Variants in SUDS3 observed in about 807,000 individuals in gnomAD.
SUDS3 encodes SIN3A corepressor complex component SDS3.
SUDS3 carries 23 observed loss-of-function variants against 53.5 expected under a neutral mutation model. That is an observed-to-expected ratio of 0.43 (90% CI 0.31 to 0.61). The LOEUF (loss-of-function observed/expected upper bound fraction) is 0.61. Among genes scored for constraint, SUDS3 ranks in the 20% least tolerant of loss-of-function variants. The pLI, the probability that SUDS3 is intolerant of heterozygous loss-of-function variation, is 0.10. For synonymous variants in SUDS3, 150 were observed against 148.5 expected, an observed-to-expected ratio of 1.01 and a Z score of -0.08; for missense variants, 291 against 405.9, an observed-to-expected ratio of 0.72 and a Z score of 2.43.
At chr12:118,410,034 C>A (rs886793311) in intron 10 of SUDS3, among the ~76,000 whole-genome samples, 1 of 152,248 alleles carries the variant, frequency 6.6e-6, no homozygotes, top group African/African-American at 2.4e-5. Context: ...AAATTAGATA[C>A]CCTTTGGTAT....
chr12:118,406,293 C>T (rs537663589), intron 10 of SUDS3, among the ~76,000 whole-genome samples: 2 of 152,228 alleles, frequency 1.3e-5, no homozygotes, highest in South Asian at 2.1e-4. Context: ...CTTCAGCCTT[C>T]GGTCGACACA....
At chr12:118,379,511 G>A (rs1029691971) in intron 1 of SUDS3, among the ~76,000 whole-genome samples, 16 of 152,206 alleles carry the variant, frequency 1.1e-4, no homozygotes, top group African/African-American at 3.9e-4. Context: ...AGAGACTTGA[G>A]CAGCTGAGGA....
intron 3 of SUDS3, among the ~76,000 whole-genome samples, chr12:118,384,379 C>T (rs2046095044): frequency 6.6e-6 from 1 of 152,152 alleles, no homozygotes; most frequent in South Asian, 2.1e-4. Flanking sequence ...ACATTGTTAT[C>T]AAAGAATAAA....
In SUDS3 at chr12:118,401,756, C is replaced by T. The variant is rs752284503; in HGVS notation, c.614-3C>T. 4.3e-6 allele frequency: 7 copies of T among 1,613,176 alleles called. No individual in the cohort carries two copies. The highest frequency in any genetic ancestry group is 5.9e-6 in the Non-Finnish European group (7 of 1,179,282). On this transcript the variant is annotated splice_region_variant and splice_polypyrimidine_tract_variant and intron_variant, in intron 7 of 11. Coordinates refer to ENST00000543473, the MANE Select transcript of SUDS3 (RefSeq NM_022491.3). ...TCACATACAGTCCTTTAACTCTCAACACCCCAGCTAAACTATTTGTTAACA... is the reference window on the plus strand; with the variant it reads ...TCACATACAGTCCTTTAACTCTCAATACCCCAGCTAAACTATTTGTTAACA...
Position 118,415,985 on chromosome 12 carries a change from G to A in SUDS3, c.*1552G>A, listed in dbSNP as rs1430333160. The A allele has an allele frequency of 1.4e-5, 2 of 144,842 alleles. No individual in the cohort carries two copies. The highest frequency in any genetic ancestry group is 3.0e-5 in the Non-Finnish European group (2 of 66,678). The allele number at this position is 144,842 out of a possible 1,614,324, so 9.0% of individuals were successfully genotyped here. A position where few individuals can be genotyped will look rare whatever the true frequency, so the allele number is the denominator to read the frequency against. ...TTTAGAAAACAGGATAAATGACGCT[G>A]TTATCAAAAGTTGCCTGGGGTTCTG... On this transcript the variant is annotated 3_prime_UTR_variant, in exon 12 of 12. Transcript: ENST00000543473.
At chr12:118,408,690 G>GT (rs1566210104) in intron 10 of SUDS3, among the ~76,000 whole-genome samples, 16 of 150,740 alleles carry the variant, frequency 1.1e-4, no homozygotes, top group African/African-American at 3.7e-4. Flanking sequence ...AGTTTTTTTT[G>GT]GTTTTTTTTT....
At chr12:118,396,132 C>T (rs2046213214) in intron 6 of SUDS3, among the ~76,000 whole-genome samples, 1 of 152,216 alleles carries the variant, frequency 6.6e-6, no homozygotes, top group Non-Finnish European at 1.5e-5. Context: ...CTAGTCTAGC[C>T]TATGGGTCCC....
chr12:118,391,405 A>G (rs1159013982), intron 6 of SUDS3, 123 bp downstream of exon 6: 1 of 1,151,218 alleles, frequency 8.7e-7, no homozygotes, highest in African/African-American at 1.5e-5. Context: ...TTTTGACCTC[A>G]TAGATCAGAG....
chr12:118,382,344 GGCCACTTTTTTTTGAGACAGTA>G (rs11271071), intron 2 of SUDS3, among the ~76,000 whole-genome samples: 43,827 of 151,184 alleles, frequency 0.29, 7,812 homozygotes, highest in African/African-American at 0.51. Context: ...CATCGTGCCA[GGCCACTTTTTTTTGAGACAGTA>G]GCCACTTTTT....
intron 3 of SUDS3, 55 bp from the exon 4 acceptor site, chr12:118,386,059 A>G: frequency 7.2e-7 from 1 of 1,393,450 alleles, no homozygotes; most frequent in Non-Finnish European, 1.0e-6. Context: ...AGGAAGCAAA[A>G]TGTAGAGCAG....
chr12:118,411,220 CA>C (rs1169413169), intron 11 of SUDS3, 63 bp downstream of exon 11: 23 of 1,456,836 alleles, frequency 1.6e-5, no homozygotes, highest in Non-Finnish European at 2.2e-5. Context: ...GTTGGTAGGG[CA>C]AACCTGAAAT....
At chr12:118,401,458 G>A (rs1391670039) in intron 7 of SUDS3, among the ~76,000 whole-genome samples, 6 of 152,136 alleles carry the variant, frequency 3.9e-5, no homozygotes, top group Non-Finnish European at 7.3e-5. Context: ...GAACAAAAGC[G>A]CTTTATACAT....
rs1211570906 is a variant in SUDS3, at chr12:118,416,321, G to A, written c.*1888G>A. ...TACCAAAGTTTGTTTTTATAGTTGA[G>A]GATTGTATTGATAACCACTGGGGTT... On this transcript the variant is annotated 3_prime_UTR_variant, in exon 12 of 12. Transcript: ENST00000543473. 1.3e-5 allele frequency: 2 copies of A among 151,996 alleles called. No homozygotes were observed. Among genetic ancestry groups the A allele is most frequent in the Non-Finnish European group, 2.9e-5 (2 of 68,012 alleles). 9.4% of individuals were successfully genotyped at this position (151,996 alleles called of 1,614,324 possible).
intron 10 of SUDS3, among the ~76,000 whole-genome samples, chr12:118,407,280 C>T (rs76107194): frequency 0.012 from 1,809 of 152,228 alleles, 39 homozygotes; most frequent in African/African-American, 0.041. Flanking sequence ...CCCAAGACAT[C>T]GTGTAGTGCA....
intron 6 of SUDS3, among the ~76,000 whole-genome samples, chr12:118,394,031 G>A (rs1011095807): frequency 6.6e-6 from 1 of 152,096 alleles, no homozygotes; most frequent in Non-Finnish European, 1.5e-5. Context: ...GTTGATAGCT[G>A]ATACCACAAG....
At chr12:118,378,783 C>T (rs1460791456) in intron 1 of SUDS3, among the ~76,000 whole-genome samples, 4 of 152,138 alleles carry the variant, frequency 2.6e-5, no homozygotes, top group Non-Finnish European at 5.9e-5. Flanking sequence ...TCAAGCAATT[C>T]TCCTGCCTCA....
intron 6 of SUDS3, among the ~76,000 whole-genome samples, chr12:118,398,386 G>A (rs2046234793): frequency 6.6e-6 from 1 of 152,122 alleles, no homozygotes; most frequent in Non-Finnish European, 1.5e-5. Context: ...CTGTGTCACT[G>A]GCCAGTAACT....
chr12:118,394,951 C>T lies in SUDS3; in HGVS notation c.517+3669C>T, dbSNP rs544876797. Among the ~76,000 whole-genome samples, 5 of 152,284 alleles carry T rather than the reference C, an allele frequency of 3.3e-5. No homozygotes were observed. The South Asian group carries it at 6.2e-4, about 19-fold the overall frequency. ...CTGCCTGCCTTGGTCTCCCAAAGTGCTGGGATTACAGGAGTGAGCTACTAC... is the reference window on the plus strand; with the variant it reads ...CTGCCTGCCTTGGTCTCCCAAAGTGTTGGGATTACAGGAGTGAGCTACTAC... On this transcript the variant is annotated intron_variant, in intron 6 of 11. Transcript: ENST00000543473.
rs529735799 is a variant in SUDS3, at chr12:118,415,419, G to A, written c.*986G>A. 3 of 152,170 alleles carry A rather than the reference G, an allele frequency of 2.0e-5. No individual in the cohort carries two copies. The South Asian group carries it at 6.2e-4, about 32-fold the overall frequency. The allele number at this position is 152,170 out of a possible 1,614,324, so 9.4% of individuals were successfully genotyped here. ...CCATTCCAAACCTGTGGAGAACTTT[G>A]TTGTCAGGCCCTGAGCGCTCACAGC... On this transcript the variant is annotated 3_prime_UTR_variant, in exon 12 of 12. Transcript: ENST00000543473.
Sources: gnomAD v4.1 joint callset for allele counts (sites outside exome capture counted in the v4.1 genomes callset) on GRCh38, gnomAD v4.1.1 for gene constraint, MANE v1.5 for transcripts, NCBI Gene and HGNC (gene_info 2026-07-23, HGNC 2026-07-21) for gene names.